Variants in RIMS1 observed in about 807,000 individuals in gnomAD.
The protein encoded by RIMS1 is regulating synaptic membrane exocytosis protein 1.
A neutral mutation model predicts 214.1 loss-of-function variants in RIMS1; 83 were observed. That is an observed-to-expected ratio of 0.39 (90% CI 0.32 to 0.47). RIMS1 has a LOEUF of 0.47. Ranked by LOEUF, RIMS1 falls within the 20% of genes least tolerant of loss-of-function variation. The probability of loss-of-function intolerance (pLI) is 0.99; values close to 1 mark genes in which losing one functional copy is unlikely to be tolerated. For synonymous variants in RIMS1, 793 were observed against 786.8 expected (o/e 1.01, Z -0.13); for missense variants, 2,050 against 2,161.8 (o/e 0.95, Z 1.03).
intron 2 of RIMS1, among the ~76,000 whole-genome samples, chr6:72,060,038 A>C (rs1401183012): frequency 1.3e-5 from 2 of 152,036 alleles, no homozygotes; most frequent in South Asian, 4.1e-4. Context: ...TCCTGGGTTC[A>C]AGCGATTCTC....
At chr6:72,390,882 A>T in intron 30 of RIMS1, 146 bp downstream of exon 30, 2 of 847,142 alleles carry the variant, frequency 2.4e-6, no homozygotes, top group South Asian at 3.9e-5. Flanking sequence ...CTGATGGCTT[A>T]TAAGTAAGTA....
At chr6:72,149,337 G>A (rs1234190744) in intron 4 of RIMS1, among the ~76,000 whole-genome samples, 1 of 152,178 alleles carries the variant, frequency 6.6e-6, no homozygotes, top group Non-Finnish European at 1.5e-5. Flanking sequence ...TGAAAAGTCT[G>A]GGCATCTTGG....
At chr6:72,272,950 A>T (rs1447045071) in intron 22 of RIMS1, among the ~76,000 whole-genome samples, 1 of 152,172 alleles carries the variant, frequency 6.6e-6, no homozygotes, top group Admixed American at 6.5e-5. Context: ...AATAATTTTT[A>T]AAAATTAAAT....
chr6:72,393,985 T>A (rs2098742365), intron 31 of RIMS1, among the ~76,000 whole-genome samples: 1 of 151,588 alleles, frequency 6.6e-6, no homozygotes, highest in Non-Finnish European at 1.5e-5. Context: ...AAGATTTACT[T>A]TGACCAAACG....
At chr6:72,011,736 C>G (rs1408947635) in intron 2 of RIMS1, among the ~76,000 whole-genome samples, 1 of 152,136 alleles carries the variant, frequency 6.6e-6, no homozygotes, top group East Asian at 1.9e-4. Context: ...AAAATGCTCA[C>G]CATCACTGAC....
Position 72,316,767 on chromosome 6 carries a change from G to A in RIMS1, c.4130+3095G>A. The A allele has an allele frequency of 4.3e-6, 3 of 690,604 alleles. 1 individual carries two copies. The highest frequency in any genetic ancestry group is 4.1e-5 in the South Asian group (3 of 72,530). The allele number at this position is 690,604 out of a possible 1,614,324, so 42.8% of individuals were successfully genotyped here. A position where few individuals can be genotyped will look rare whatever the true frequency, so the allele number is the denominator to read the frequency against. The stretch of plus-strand genomic sequence containing the variant: ...GGTTTCAGAGGCCACTCCCTAGTAG[G>A]CAGGGCCAGTTGACGGTAGACACTG... On this transcript the variant is annotated intron_variant, in intron 28 of 33. Transcript: ENST00000521978.
chr6:72,091,116 G>A (rs756727665), intron 2 of RIMS1, among the ~76,000 whole-genome samples: 14 of 152,174 alleles, frequency 9.2e-5, no homozygotes, highest in Non-Finnish European at 2.1e-4. Flanking sequence ...ACATCCTAAA[G>A]CAATCCTCCT....
At chr6:72,324,188 T>C (rs1274815958) in intron 28 of RIMS1, among the ~76,000 whole-genome samples, 5 of 151,840 alleles carry the variant, frequency 3.3e-5, no homozygotes, top group Admixed American at 3.3e-4. Flanking sequence ...TGAGGAAGAA[T>C]GAAGAACATT....
At chr6:72,203,756 C>T (rs986960472) in intron 6 of RIMS1, among the ~76,000 whole-genome samples, 7 of 152,162 alleles carry the variant, frequency 4.6e-5, no homozygotes, top group South Asian at 2.1e-4. Context: ...GTTCAGTGCA[C>T]GTTGCAATCA....
intron 23 of RIMS1, among the ~76,000 whole-genome samples, chr6:72,282,602 C>T (rs2090686175): frequency 6.6e-6 from 1 of 152,064 alleles, no homozygotes; most frequent in Non-Finnish European, 1.5e-5. Context: ...ACAGAAACAG[C>T]TTAGGAGCCA....
At chr6:72,301,803 T>C (rs1483167961) in intron 26 of RIMS1, among the ~76,000 whole-genome samples, 1 of 151,538 alleles carries the variant, frequency 6.6e-6, no homozygotes, top group East Asian at 1.9e-4. Context: ...TTTTGGTACA[T>C]GTGGTGGGTG....
chr6:72,313,971 C>G (rs1255000667), intron 28 of RIMS1, among the ~76,000 whole-genome samples: 4 of 152,144 alleles, frequency 2.6e-5, no homozygotes, highest in Admixed American at 6.5e-5. Context: ...AAGGGACAGA[C>G]AGTAAATATT....
At chr6:72,107,422 G>C (rs1022270470) in intron 4 of RIMS1, among the ~76,000 whole-genome samples, 5 of 152,238 alleles carry the variant, frequency 3.3e-5, no homozygotes, top group African/African-American at 4.8e-5. Context: ...TTAACCAGGC[G>C]TGGTGGCAGG....
chr6:72,221,291 A>AGTGTGTGTGTGT (rs71540331), intron 6 of RIMS1, among the ~76,000 whole-genome samples: 184 of 138,626 alleles, frequency 1.3e-3, no homozygotes, highest in African/African-American at 4.6e-3. Flanking sequence ...ATCTGGGGTG[A>AGTGTGTGTGTGT]GTGTGTGTGT....
At chr6:72,188,646 C>T (rs1386970615) in intron 6 of RIMS1, among the ~76,000 whole-genome samples, 1 of 152,162 alleles carries the variant, frequency 6.6e-6, no homozygotes, top group Non-Finnish European at 1.5e-5. Context: ...TTTCCTTTGC[C>T]TTCTGCAAGC....
At chr6:72,024,451 A>G (rs1349002540) in intron 2 of RIMS1, among the ~76,000 whole-genome samples, 2 of 152,216 alleles carry the variant, frequency 1.3e-5, no homozygotes, top group Admixed American at 1.3e-4. Flanking sequence ...TGAAGATTAA[A>G]TGAAATAATG....
At chr6:72,163,381 G>A (rs1449733680) in intron 4 of RIMS1, among the ~76,000 whole-genome samples, 2 of 140,174 alleles carry the variant, frequency 1.4e-5, no homozygotes, top group Non-Finnish European at 3.2e-5. Flanking sequence ...TTCTTCTCTC[G>A]ACTCATCAAA....
At chr6:72,209,076 A>C (rs1391948692) in intron 6 of RIMS1, among the ~76,000 whole-genome samples, 1 of 152,246 alleles carries the variant, frequency 6.6e-6, no homozygotes, top group African/African-American at 2.4e-5. Context: ...AACAAAGAAT[A>C]GAATTCATTG....
chr6:71,977,180 A>G (rs1797369729), intron 2 of RIMS1, among the ~76,000 whole-genome samples: 1 of 152,150 alleles, frequency 6.6e-6, no homozygotes, highest in African/African-American at 2.4e-5. Context: ...AGACCCTATA[A>G]ACATTGGAAA....
Sources: gnomAD v4.1 joint callset for allele counts (sites outside exome capture counted in the v4.1 genomes callset) on GRCh38, gnomAD v4.1.1 for gene constraint, MANE v1.5 for transcripts, NCBI Gene and HGNC (gene_info 2026-07-23, HGNC 2026-07-21) for gene names.